The following TAMM41 variants were observed in gnomAD, a reference collection of about 807,000 sequenced individuals.
TAMM41 encodes TAM41 mitochondrial translocator assembly and maintenance homolog.
A neutral mutation model predicts 44.1 loss-of-function variants in TAMM41; 36 were observed. That is an observed-to-expected ratio of 0.82 (90% CI 0.63 to 1.08). The LOEUF (loss-of-function observed/expected upper bound fraction) is 1.08. Among genes scored for constraint, TAMM41 ranks in the 50% least tolerant of loss-of-function variants. The pLI, the probability that TAMM41 is intolerant of heterozygous loss-of-function variation, is 0.00. For missense variants in TAMM41, 417 were observed against 404.3 expected (o/e 1.03, Z -0.27); for synonymous variants, 164 against 153.1 (o/e 1.07, Z -0.53).
chr3:11,725,720 G>A, the TAMM41 span, among the ~76,000 whole-genome samples: 2,243 of 152,204 alleles, frequency 0.015, 46 homozygotes, highest in African/African-American at 0.051. Context: ...GACTACAGGC[G>A]TAAGCCACCA....
chr3:11,807,677 T>G (rs998641013), intron 7 of TAMM41, 156 bp downstream of exon 7: 6 of 1,536,350 alleles, frequency 3.9e-6, no homozygotes, highest in Non-Finnish European at 5.2e-6. Flanking sequence ...GCTGCTGTTA[T>G]GCCTGTTTGT....
intron 5 of TAMM41, among the ~76,000 whole-genome samples, chr3:11,816,535 G>A (rs533323202): frequency 1.3e-5 from 2 of 152,208 alleles, no homozygotes; most frequent in East Asian, 1.9e-4. Context: ...ACGCTGGGGC[G>A]GGCAGACTGC....
At chr3:11,727,880 G>A in the TAMM41 span, among the ~76,000 whole-genome samples, 26 of 150,468 alleles carry the variant, frequency 1.7e-4, no homozygotes, top group East Asian at 5.9e-4. Flanking sequence ...TCCGCCTCCC[G>A]GGTTCAAGTG....
At chr3:11,792,860 G>T (rs1268639261) in intron 7 of TAMM41, among the ~76,000 whole-genome samples, 1 of 152,108 alleles carries the variant, frequency 6.6e-6, no homozygotes, top group Non-Finnish European at 1.5e-5. Flanking sequence ...AGGAGATCAA[G>T]ACCAACCTGG....
At chr3:11,725,626 G>T in the TAMM41 span, among the ~76,000 whole-genome samples, 1 of 152,066 alleles carries the variant, frequency 6.6e-6, no homozygotes, top group Admixed American at 6.6e-5. Flanking sequence ...TTTTAGTAGC[G>T]ATGGGGTTTC....
chr3:11,807,532 C>G (rs770856723), intron 7 of TAMM41: 29 of 1,535,978 alleles, frequency 1.9e-5, no homozygotes, highest in Non-Finnish European at 2.3e-5. Context: ...CAATCCTATG[C>G]ATCTGTAACT....
intron 7 of TAMM41, among the ~76,000 whole-genome samples, chr3:11,792,017 C>A (rs1359570361): frequency 6.6e-6 from 1 of 152,150 alleles, no homozygotes; most frequent in Non-Finnish European, 1.5e-5. Flanking sequence ...GGTAGTTATA[C>A]ATGGAAAGGT....
intron 3 of TAMM41, among the ~76,000 whole-genome samples, chr3:11,833,601 C>T (rs1014024626): frequency 2.0e-5 from 3 of 152,150 alleles, no homozygotes; most frequent in African/African-American, 7.2e-5. Flanking sequence ...CTGGGCTCTT[C>T]GAGGACAAGC....
At chr3:11,828,641 T>A (rs1008852653) in intron 4 of TAMM41, among the ~76,000 whole-genome samples, 1 of 152,200 alleles carries the variant, frequency 6.6e-6, no homozygotes, top group Non-Finnish European at 1.5e-5. Context: ...TTTGCCCCTA[T>A]GTCTTTTGTT....
chr3:11,815,921 T>C (rs2078260076), intron 5 of TAMM41, among the ~76,000 whole-genome samples: 1 of 152,218 alleles, frequency 6.6e-6, no homozygotes. Context: ...GAACTGCTCT[T>C]TTTGTTATAA....
the TAMM41 span, among the ~76,000 whole-genome samples, chr3:11,730,004 C>A: frequency 6.6e-6 from 1 of 152,168 alleles, no homozygotes; most frequent in African/African-American, 2.4e-5. Context: ...AGGATGCAAA[C>A]CAGCTGGTCC....
intron 2 of TAMM41, among the ~76,000 whole-genome samples, chr3:11,842,790 G>C (rs995921111): frequency 2.6e-5 from 4 of 152,084 alleles, no homozygotes; most frequent in Non-Finnish European, 5.9e-5. Context: ...CAGGTGGCTC[G>C]ATGCCGGCCA....
chr3:11,809,203 C>A, intron 6 of TAMM41: 1 of 362,876 alleles, frequency 2.8e-6, no homozygotes, highest in Non-Finnish European at 5.0e-6. Flanking sequence ...TTTCTCAGAC[C>A]ACCACAAAAC....
At chr3:11,817,997 A>G (rs1181972822) in intron 4 of TAMM41, among the ~76,000 whole-genome samples, 1 of 152,210 alleles carries the variant, frequency 6.6e-6, no homozygotes, top group African/African-American at 2.4e-5. Context: ...AATCAAATGA[A>G]AAGTGCCCTG....
the TAMM41 span, among the ~76,000 whole-genome samples, chr3:11,774,122 G>C: frequency 6.6e-6 from 1 of 151,974 alleles, no homozygotes; most frequent in Admixed American, 6.6e-5. Context: ...AAAAAGAAAA[G>C]TCAGTGTTTC....
intron 3 of TAMM41, chr3:11,830,704 A>C (rs924712641): frequency 6.6e-6 from 1 of 152,010 alleles, no homozygotes; most frequent in Non-Finnish European, 1.5e-5. Context: ...ATAAAACAAA[A>C]ACAAAAAAAA....
At chr3:11,743,558 C>A in the TAMM41 span, among the ~76,000 whole-genome samples, 1 of 152,070 alleles carries the variant, frequency 6.6e-6, no homozygotes, top group African/African-American at 2.4e-5. Context: ...GTCTCGAACT[C>A]CTGACATCAA....
the TAMM41 span, among the ~76,000 whole-genome samples, chr3:11,772,638 C>T: frequency 3.3e-5 from 5 of 152,054 alleles, no homozygotes; most frequent in Non-Finnish European, 7.4e-5. Context: ...ACAGTGCTGT[C>T]ATAAACACAT....
intron 3 of TAMM41, among the ~76,000 whole-genome samples, chr3:11,831,560 G>C (rs1048497580): frequency 2.0e-5 from 3 of 151,826 alleles, no homozygotes; most frequent in African/African-American, 7.3e-5. Context: ...TAGAAAACAG[G>C]GCATAAGTTG....
Sources: gnomAD v4.1 joint callset for allele counts (sites outside exome capture counted in the v4.1 genomes callset) on GRCh38, gnomAD v4.1.1 for gene constraint, MANE v1.5 for transcripts, NCBI Gene and HGNC (gene_info 2026-07-23, HGNC 2026-07-21) for gene names.